Variants in TENM3 observed in about 807,000 individuals in gnomAD.
TENM3 encodes the protein teneurin transmembrane protein 3.
A neutral mutation model predicts 255.1 loss-of-function variants in TENM3; 63 were observed. That is an observed-to-expected ratio of 0.25 (90% confidence interval 0.20 to 0.30). The LOEUF (loss-of-function observed/expected upper bound fraction) is 0.30. Ranked by LOEUF, TENM3 falls within the 10% of genes least tolerant of loss-of-function variation. The probability of loss-of-function intolerance (pLI) is 1.00; values close to 1 mark genes in which losing one functional copy is unlikely to be tolerated. For synonymous variants in TENM3, 1,306 were observed against 1,322.3 expected (o/e 0.99, Z 0.27); for missense variants, 2,929 against 3,461.1 (o/e 0.85, Z 3.86).
chr4:182,139,227 G>A (rs1749223033), upstream of TENM3, among the ~76,000 whole-genome samples: 1 of 152,158 alleles, frequency 6.6e-6, no homozygotes, highest in African/African-American at 2.4e-5. Flanking sequence ...CACTGCCAAC[G>A]GGAGGAGAGT....
At chr4:182,227,674 A>G (rs562940789) in intron 1 of TENM3, among the ~76,000 whole-genome samples, 3 of 122,534 alleles carry the variant, frequency 2.4e-5, no homozygotes, top group Admixed American at 9.1e-5. Flanking sequence ...CCTTGTTGTC[A>G]TTTCAAAATA....
chr4:182,277,349 G>T (rs1760072985), intron 1 of TENM3, among the ~76,000 whole-genome samples: 1 of 151,376 alleles, frequency 6.6e-6, no homozygotes. Flanking sequence ...AGAGTTGGGG[G>T]GTGGGGGTTG....
the TENM3 span, among the ~76,000 whole-genome samples, chr4:182,074,018 C>A: frequency 6.6e-6 from 1 of 152,230 alleles, no homozygotes; most frequent in African/African-American, 2.4e-5. Flanking sequence ...TTTCGATACT[C>A]AATAGCTCAG....
At chr4:182,458,986 AG>A (rs1249449179) in intron 3 of TENM3, among the ~76,000 whole-genome samples, 8 of 152,340 alleles carry the variant, frequency 5.3e-5, no homozygotes, top group Admixed American at 6.5e-5. Flanking sequence ...GTTCCGTTAT[AG>A]TACCATTCAC....
chr4:181,904,246 G>C, the TENM3 span, among the ~76,000 whole-genome samples: 4 of 151,978 alleles, frequency 2.6e-5, no homozygotes, highest in Non-Finnish European at 4.4e-5. Context: ...ATCTACGGAG[G>C]ATCTAACACC....
chr4:181,911,623 G>T, the TENM3 span, among the ~76,000 whole-genome samples: 8 of 152,176 alleles, frequency 5.3e-5, no homozygotes, highest in Non-Finnish European at 1.2e-4. Flanking sequence ...GGGAACAGCT[G>T]AGTCAGTGCA....
the TENM3 span, among the ~76,000 whole-genome samples, chr4:181,480,020 T>C: frequency 1.3e-5 from 2 of 152,110 alleles, no homozygotes; most frequent in Non-Finnish European, 1.5e-5. Flanking sequence ...ATTTGTATGA[T>C]CACAAAGTAC....
Position 182,605,485 on chromosome 4 carries a change from TA to T in TENM3, c.749+4340del, listed in dbSNP as rs10676569. ...TAAAGTTTCACCATCATCATTTATT[TA>T]AAAAAAAAAAAAAAAGGGAAAGTCA... is the stretch of plus-strand genomic sequence containing the variant. On this transcript the variant is annotated intron_variant, in intron 4 of 27. Coordinates refer to ENST00000511685, the MANE Select transcript of TENM3 (RefSeq NM_001080477.4). 4.6e-3 allele frequency among the ~76,000 whole-genome samples: 660 copies of T among 142,468 alleles called. 8 individuals are homozygous for T. Among genetic ancestry groups the T allele is most frequent in the South Asian group, 0.031 (142 of 4,508 alleles). 93.5% of individuals were successfully genotyped at this position (142,468 alleles called of 152,430 possible). A position where few individuals can be genotyped will look rare whatever the true frequency, so the allele number is the denominator to read the frequency against.
At chr4:182,159,398 G>A (rs1750937613) in intron 1 of TENM3, among the ~76,000 whole-genome samples, 1 of 152,042 alleles carries the variant, frequency 6.6e-6, no homozygotes, top group Non-Finnish European at 1.5e-5. Context: ...AACACACAGG[G>A]AGGTCCTAGT....
At chr4:181,584,379 A>G in the TENM3 span, among the ~76,000 whole-genome samples, 1 of 152,128 alleles carries the variant, frequency 6.6e-6, no homozygotes. Context: ...TAGTCCTCTT[A>G]CCTAACTGTC....
intron 3 of TENM3, among the ~76,000 whole-genome samples, chr4:182,453,524 A>G (rs1773639878): frequency 6.6e-6 from 1 of 152,236 alleles, no homozygotes; most frequent in South Asian, 2.1e-4. Flanking sequence ...GAGGAGGCAG[A>G]ATATATTACA....
chr4:181,581,819 G>T, the TENM3 span, among the ~76,000 whole-genome samples: 7 of 149,730 alleles, frequency 4.7e-5, no homozygotes, highest in Non-Finnish European at 1.0e-4. Flanking sequence ...TGCAACCTCC[G>T]CCTCCTGGAG....
At chr4:181,466,140 G>C in the TENM3 span, among the ~76,000 whole-genome samples, 3 of 144,104 alleles carry the variant, frequency 2.1e-5, no homozygotes, top group African/African-American at 7.9e-5. Context: ...TTTTTGAGAC[G>C]GAGTTTCTCT....
At chr4:182,395,481 T>C (rs1427712296) in intron 3 of TENM3, among the ~76,000 whole-genome samples, 2 of 152,182 alleles carry the variant, frequency 1.3e-5, no homozygotes, top group African/African-American at 4.8e-5. Flanking sequence ...ATATACTGTC[T>C]TATAAGTCTA....
the TENM3 span, among the ~76,000 whole-genome samples, chr4:181,897,299 T>TCC: frequency 6.6e-6 from 1 of 152,214 alleles, no homozygotes; most frequent in African/African-American, 2.4e-5. Context: ...ATTCAGCCCA[T>TCC]TTTTTATCCA....
the TENM3 span, among the ~76,000 whole-genome samples, chr4:182,118,507 CT>C: frequency 6.6e-6 from 1 of 152,030 alleles, no homozygotes; most frequent in African/African-American, 2.4e-5. Context: ...TCTTGAACTC[CT>C]GGCCCCAAGC....
the TENM3 span, among the ~76,000 whole-genome samples, chr4:182,067,611 T>A: frequency 6.6e-6 from 1 of 152,170 alleles, no homozygotes; most frequent in Non-Finnish European, 1.5e-5. Flanking sequence ...AAACCCCAAG[T>A]GGGCTTTTAA....
At chr4:181,798,320 A>T in the TENM3 span, among the ~76,000 whole-genome samples, 47 of 151,414 alleles carry the variant, frequency 3.1e-4, no homozygotes, top group South Asian at 6.3e-4. Context: ...TTATTTATTT[A>T]TTTTTTGAGA....
chr4:182,077,043 C>T, the TENM3 span, among the ~76,000 whole-genome samples: 6 of 152,288 alleles, frequency 3.9e-5, no homozygotes, highest in East Asian at 1.9e-4. Context: ...TTGACAGTCA[C>T]GGACACAGCA....
Sources: gnomAD v4.1 joint callset for allele counts (sites outside exome capture counted in the v4.1 genomes callset) on GRCh38, gnomAD v4.1.1 for gene constraint, MANE v1.5 for transcripts, NCBI Gene and HGNC (gene_info 2026-07-23, HGNC 2026-07-21) for gene names.